The following TMEM231 variants were observed in gnomAD, a reference collection of about 807,000 sequenced individuals.
The protein encoded by TMEM231 is transmembrane protein 231.
In TMEM231, 40 loss-of-function variants were observed where a neutral mutation model predicts 38.5. The observed-to-expected ratio is 1.04, with a 90% CI of 0.81 to 1.35. The LOEUF is 1.35. Ranked by LOEUF, TMEM231 falls within the 40% of genes most tolerant of loss-of-function variation. TMEM231 has a pLI of 0.00. For synonymous variants in TMEM231, 199 were observed against 181.7 expected (o/e 1.10, Z -0.77); for missense variants, 420 against 416.9 (o/e 1.01, Z -0.07).
intron 2 of TMEM231, among the ~76,000 whole-genome samples, chr16:75,550,444 A>AGAAGGGGAAGAAGGTG (rs1330575217): frequency 6.6e-6 from 1 of 152,136 alleles, no homozygotes; most frequent in East Asian, 1.9e-4. Context: ...GCAGAACCTA[A>AGAAGGGGAAGAAGGTG]CAGGAAGCTG....
Position 75,539,877 on chromosome 16 carries a change from G to A in TMEM231, c.*117C>T. The A allele has an allele frequency of 1.2e-6, 1 of 828,070 alleles. No individual in the cohort carries two copies. The highest frequency in any genetic ancestry group is 1.8e-6 in the Non-Finnish European group (1 of 542,374). The allele number at this position is 828,070 out of a possible 1,614,324, so 51.3% of individuals were successfully genotyped here. ...AACCGGAAAGAACCGTTGTCTCTGA[G>A]GGAAAAGCACACAAGCCCGCAGGTG... is the stretch of plus-strand genomic sequence containing the variant. On this transcript the variant is annotated 3_prime_UTR_variant, in exon 7 of 7. Coordinates refer to ENST00000258173, the MANE Select transcript of TMEM231 (RefSeq NM_001077418.3).
At chr16:75,542,823 T>C in intron 4 of TMEM231, 140 bp from the exon 5 acceptor site, 2 of 662,148 alleles carry the variant, frequency 3.0e-6, no homozygotes, top group Non-Finnish European at 5.2e-6. Flanking sequence ...TAATCTTTTC[T>C]TCAAAGATGA....
chr16:75,556,155 GC>G lies in TMEM231; in HGVS notation c.54del (p.Leu19SerfsTer32). On this transcript the variant is annotated frameshift_variant, in exon 1 of 7. Transcript: ENST00000258173. LOFTEE classifies it high-confidence loss of function. ...SHPVERSYRA[G>X]LCSKAALFLL... Reference sequence around the variant, plus strand: ...AGGAACAGCGCGGCTTTGGAGCAGAGCCCCGCGCGGTAACTGCGCTCGACCG... The same window carrying G: ...AGGAACAGCGCGGCTTTGGAGCAGAGCCCGCGCGGTAACTGCGCTCGACCG... The G allele has an allele frequency of 6.4e-7, 1 of 1,556,728 alleles. No individual in the cohort carries two copies. The highest frequency in any genetic ancestry group is 8.7e-7 in the Non-Finnish European group (1 of 1,154,190).
At chr16:75,551,684 C>T (rs981663840) in intron 2 of TMEM231, among the ~76,000 whole-genome samples, 9 of 151,978 alleles carry the variant, frequency 5.9e-5, no homozygotes, top group Admixed American at 3.3e-4. Flanking sequence ...CAAAATAGGT[C>T]GGGGCAGTGG....
intron 6 of TMEM231, among the ~76,000 whole-genome samples, chr16:75,541,074 C>G (rs1360988662): frequency 2.0e-5 from 3 of 152,118 alleles, no homozygotes; most frequent in African/African-American, 7.2e-5. Context: ...AGTACAGTGG[C>G]ACAATCATCG....
At chr16:75,541,104 C>T (rs2080621569) in intron 6 of TMEM231, among the ~76,000 whole-genome samples, 1 of 152,038 alleles carries the variant, frequency 6.6e-6, no homozygotes, top group Non-Finnish European at 1.5e-5. Context: ...AGCTTGAATT[C>T]CTGGACTCAA....
At chr16:75,542,168 G>A (rs1335471926) in intron 5 of TMEM231, 1 of 173,588 alleles carries the variant, frequency 5.8e-6, no homozygotes, top group Non-Finnish European at 1.2e-5. Flanking sequence ...GCAGGAAACA[G>A]GGGCACTCCT....
At chr16:75,550,116 T>C (rs2080740742) in intron 2 of TMEM231, among the ~76,000 whole-genome samples, 1 of 152,168 alleles carries the variant, frequency 6.6e-6, no homozygotes, top group Non-Finnish European at 1.5e-5. Context: ...AGGGAACATT[T>C]CCCACACCTA....
chr16:75,555,404 G>A (rs1027528260), intron 2 of TMEM231: 5 of 187,484 alleles, frequency 2.7e-5, no homozygotes, highest in Admixed American at 6.2e-5. Context: ...GTGGTGTGAT[G>A]CAGAAACGCC....
At chr16:75,540,274 G>T in intron 6 of TMEM231, 100 bp from the exon 7 acceptor site, 1 of 1,227,882 alleles carries the variant, frequency 8.1e-7, no homozygotes, top group Non-Finnish European at 1.1e-6. Flanking sequence ...AAGGAGGCAG[G>T]ACCTCTGTCA....
chr16:75,553,348 T>G (rs1351732363), intron 2 of TMEM231, among the ~76,000 whole-genome samples: 1 of 152,174 alleles, frequency 6.6e-6, no homozygotes, highest in Non-Finnish European at 1.5e-5. Flanking sequence ...GGCTCACACC[T>G]GTAATCACAC....
chr16:75,548,296 T>C (rs1022869151), intron 2 of TMEM231, among the ~76,000 whole-genome samples: 1 of 152,218 alleles, frequency 6.6e-6, no homozygotes, highest in African/African-American at 2.4e-5. Context: ...GTCTGTATAC[T>C]TGCCTGTGCA....
In TMEM231 at chr16:75,539,350, C is replaced by T. The variant is rs912222966; in HGVS notation, c.*644G>A. 6.6e-6 allele frequency: 1 copy of T among 152,370 alleles called. No homozygotes were observed. The highest frequency in any genetic ancestry group is 1.5e-5 in the Non-Finnish European group (1 of 68,138). The allele number at this position is 152,370 out of a possible 1,614,324, so 9.4% of individuals were successfully genotyped here. On this transcript the variant is annotated 3_prime_UTR_variant, in exon 7 of 7. Transcript: ENST00000258173. ...AGTACGGCAAAGATCCAGGGCTGCTCAGCTGAGCTGATGACAGATGACTGA... is the reference window on the plus strand; with the variant it reads ...AGTACGGCAAAGATCCAGGGCTGCTTAGCTGAGCTGATGACAGATGACTGA...
chr16:75,541,457 T>C lies in TMEM231; in HGVS notation c.665-2A>G. ...TGGGATCATTCAGGACGGTGGTAAC[T>C]GCAATGCAATCATTAACCATTAACC... is the stretch of plus-strand genomic sequence containing the variant. On this transcript the variant is annotated splice_acceptor_variant, in intron 5 of 6. Coordinates refer to ENST00000258173, the MANE Select transcript of TMEM231 (RefSeq NM_001077418.3). LOFTEE classifies it high-confidence loss of function. 6.3e-7 allele frequency: 1 copy of C among 1,595,254 alleles called. No homozygotes were observed. The highest frequency in any genetic ancestry group is 1.1e-5 in the South Asian group (1 of 89,538).
In TMEM231 at chr16:75,540,177, A is replaced by G. The variant is rs756762116; in HGVS notation, c.771-3T>C. The G allele has an allele frequency of 3.1e-6, 5 of 1,611,344 alleles. No homozygotes were observed. Among genetic ancestry groups the G allele is most frequent in the Non-Finnish European group, 4.2e-6 (5 of 1,178,670 alleles). On this transcript the variant is annotated splice_region_variant and splice_polypyrimidine_tract_variant and intron_variant, in intron 6 of 6. Coordinates refer to ENST00000258173, the MANE Select transcript of TMEM231 (RefSeq NM_001077418.3). ...TCTCCCAGAATCCTGGCTGATAAGT[A>G]TGGACAGTTAAGGAGTGAAGGGCCA... is the stretch of plus-strand genomic sequence containing the variant.
chr16:75,553,436 T>C (rs1447931632), intron 2 of TMEM231, among the ~76,000 whole-genome samples: 1 of 151,852 alleles, frequency 6.6e-6, no homozygotes, highest in Non-Finnish European at 1.5e-5. Flanking sequence ...CTGGCCAACA[T>C]GGTGAAACCC....
chr16:75,539,945 A>G lies in TMEM231; in HGVS notation c.*49T>C. On this transcript the variant is annotated 3_prime_UTR_variant, in exon 7 of 7. Transcript: ENST00000258173. The stretch of plus-strand genomic sequence containing the variant: ...AAAGGTCCTAAGATGTTCCCAGAAG[A>G]TGACAATGAGGCAGCCACGGTCCTG... 6.5e-7 allele frequency: 1 copy of G among 1,528,190 alleles called. No individual in the cohort carries two copies. Among genetic ancestry groups the G allele is most frequent in the South Asian group, 1.3e-5 (1 of 79,782 alleles). 94.7% of individuals were successfully genotyped at this position (1,528,190 alleles called of 1,614,324 possible).
chr16:75,542,758 C>A, intron 4 of TMEM231, 75 bp from the exon 5 acceptor site: 2 of 1,344,228 alleles, frequency 1.5e-6, no homozygotes, highest in Middle Eastern at 2.3e-4. Context: ...TTCTGCCCAC[C>A]CAGGCTGGTC....
chr16:75,544,835 T>C (rs1008352203), intron 4 of TMEM231, among the ~76,000 whole-genome samples: 1 of 152,088 alleles, frequency 6.6e-6, no homozygotes, highest in African/African-American at 2.4e-5. Context: ...CTTCTAGGTG[T>C]AACTATGCGT....
Sources: gnomAD v4.1 joint callset for allele counts (sites outside exome capture counted in the v4.1 genomes callset) on GRCh38, gnomAD v4.1.1 for gene constraint, MANE v1.5 for transcripts, NCBI Gene and HGNC (gene_info 2026-07-23, HGNC 2026-07-21) for gene names.